Variants in FRYL observed in about 807,000 individuals in gnomAD.
FRYL encodes protein furry homolog-like.
Under a neutral mutation model 351.2 loss-of-function variants are expected in FRYL, and 150 were observed. The observed-to-expected ratio is 0.43, with a 90% CI of 0.37 to 0.49. The LOEUF (loss-of-function observed/expected upper bound fraction) is 0.49, where lower values mean the gene tolerates loss of function less well. Ranked by LOEUF, FRYL falls within the 20% of genes least tolerant of loss-of-function variation. The pLI is 0.00. For missense variants in FRYL, 3,036 were observed against 3,619.3 expected (o/e 0.84, Z 4.13); for synonymous variants, 1,153 against 1,257.1 (o/e 0.92, Z 1.75).
In FRYL at chr4:48,548,819, C is replaced by T. The variant is rs377595434; in HGVS notation, c.4785-26G>A. 388 of 1,325,418 alleles carry T rather than the reference C, an allele frequency of 2.9e-4. 1 individual carries two copies. The highest frequency in any genetic ancestry group is 6.6e-4 in the South Asian group (51 of 77,820). 82.1% of individuals were successfully genotyped at this position (1,325,418 alleles called of 1,614,324 possible). ...CTATGACAAATAAGAGTTTCATTAA[C>T]GTTTTACTAGATCTCAGTAAACCTA... On this transcript the variant is annotated intron_variant, in intron 39 of 63. Coordinates refer to ENST00000358350, the MANE Select transcript of FRYL (RefSeq NM_015030.2).
At chr4:48,681,670 G>C (rs1270706329) in intron 3 of FRYL, among the ~76,000 whole-genome samples, 5 of 151,974 alleles carry the variant, frequency 3.3e-5, no homozygotes, top group Non-Finnish European at 7.4e-5. Context: ...ACATTCTAAA[G>C]TTACTTTTAA....
In FRYL at chr4:48,573,262, A is replaced by G; in HGVS notation, c.2847-19T>C. The G allele has an allele frequency of 6.7e-7, 1 of 1,497,080 alleles. No individual in the cohort carries two copies. The highest frequency in any genetic ancestry group is 9.3e-7 in the Non-Finnish European group (1 of 1,073,720). The allele number at this position is 1,497,080 out of a possible 1,614,324, so 92.7% of individuals were successfully genotyped here. On this transcript the variant is annotated intron_variant, in intron 25 of 63. Coordinates refer to ENST00000358350, the MANE Select transcript of FRYL (RefSeq NM_015030.2). Reference sequence around the variant, plus strand: ...TAGTTCCCTGGAAGAAAAATGGTACATATTCTATTAATAGCTACACAGATA... The same window carrying G: ...TAGTTCCCTGGAAGAAAAATGGTACGTATTCTATTAATAGCTACACAGATA...
At chr4:48,582,390 G>C (rs1197943803) in intron 20 of FRYL, 107 bp downstream of exon 20, 17 of 728,130 alleles carry the variant, frequency 2.3e-5, no homozygotes, top group Non-Finnish European at 3.7e-5. Flanking sequence ...AGAGTGAATA[G>C]AACTAATAAT....
intron 53 of FRYL, among the ~76,000 whole-genome samples, chr4:48,526,968 C>G (rs1428131292): frequency 6.6e-6 from 1 of 152,050 alleles, no homozygotes; most frequent in Non-Finnish European, 1.5e-5. Flanking sequence ...GAAAGACAAA[C>G]CCTTTGTGAT....
chr4:48,502,794 G>T, intron 61 of FRYL, 34 bp downstream of exon 61: 2 of 1,578,694 alleles, frequency 1.3e-6, no homozygotes, highest in Non-Finnish European at 1.7e-6. Context: ...TCTGGCAAGG[G>T]TGAGTAGTCT....
At chr4:48,651,233 T>C (rs1297762280) in intron 3 of FRYL, among the ~76,000 whole-genome samples, 1 of 146,644 alleles carries the variant, frequency 6.8e-6, no homozygotes, top group Non-Finnish European at 1.5e-5. Context: ...TGTGTGTGTG[T>C]GTGTGTGTGT....
intron 3 of FRYL, among the ~76,000 whole-genome samples, chr4:48,638,805 G>A (rs147783635): frequency 3.0e-4 from 45 of 152,066 alleles, no homozygotes; most frequent in African/African-American, 4.1e-4. Context: ...TGTCCTTTGC[G>A]GGGATACGGA....
At chr4:48,543,629 T>C (rs1047612195) in intron 44 of FRYL, among the ~76,000 whole-genome samples, 178 bp downstream of exon 44, 2 of 152,230 alleles carry the variant, frequency 1.3e-5, no homozygotes, top group South Asian at 4.1e-4. Flanking sequence ...ATTTAATTAG[T>C]AGGTTATTTG....
chr4:48,560,831 T>C (rs1215454651), intron 33 of FRYL, among the ~76,000 whole-genome samples: 1 of 152,194 alleles, frequency 6.6e-6, no homozygotes, highest in African/African-American at 2.4e-5. Flanking sequence ...ACTATTTCTA[T>C]TGCTAAAATA....
chr4:48,542,048 T>C lies in FRYL; in HGVS notation c.5666A>G (p.Asp1889Gly), dbSNP rs1429974500. Reference protein sequence around the residue: ...DTLAETMKHYDLLSALSQTSY... With the variant: ...DTLAETMKHYGLLSALSQTSY... ...TTACTGAGAAAGGGCAGAAAGAAGA[T>C]CATAATGCTTCATGGTTTCAGCCAA... The change falls in exon 45 of 64, where the codon GAT (aspartate) becomes GGT (glycine). Residue 1889 changes from aspartate (D) to glycine (G), a missense_variant. Transcript: ENST00000358350. 41 of 1,613,198 alleles carry C rather than the reference T, an allele frequency of 2.5e-5. No homozygotes were observed. Among genetic ancestry groups the C allele is most frequent in the Non-Finnish European group, 3.4e-5 (40 of 1,179,286 alleles).
chr4:48,737,259 GAAA>G lies in FRYL; in HGVS notation c.-383-26564_-383-26562del, dbSNP rs368219531. On this transcript the variant is annotated intron_variant, in intron 1 of 63. Coordinates refer to ENST00000358350, the MANE Select transcript of FRYL (RefSeq NM_015030.2). ...GGCCACAGAGCGAGACTCCATCACAGAAAAAAAAAAAAAAAAAAGAGAGAGAAA... is the reference window on the plus strand; with the variant it reads ...GGCCACAGAGCGAGACTCCATCACAGAAAAAAAAAAAAAAAGAGAGAGAAA... Among the ~76,000 whole-genome samples, 672 of 97,670 alleles carry G rather than the reference GAAA, an allele frequency of 6.9e-3. 7 individuals are homozygous for G. Among genetic ancestry groups the G allele is most frequent in the Non-Finnish European group, 5.9e-3 (298 of 50,940 alleles). The allele number at this position is 97,670 out of a possible 152,430, so 64.1% of individuals were successfully genotyped here.
chr4:48,510,194 C>T, intron 58 of FRYL, 37 bp from the exon 59 acceptor site: 1 of 1,466,542 alleles, frequency 6.8e-7, no homozygotes, highest in Non-Finnish European at 9.6e-7. Context: ...GTTACCATTT[C>T]TGATTGAAAT....
Position 48,564,100 on chromosome 4 carries a change from A to G in FRYL, c.3444T>C (p.Val1148=). 6.2e-7 allele frequency: 1 copy of G among 1,613,444 alleles called. No individual in the cohort carries two copies. The highest frequency in any genetic ancestry group is 8.5e-7 in the Non-Finnish European group (1 of 1,179,828). The part of the protein sequence containing the change: ...DNILDSLDKK[V]HQLGCEAVTL... ...TAACTGCTTCACAGCCCAGCTGGTG[A>G]ACCTAGGTAAAGGTTGTGAAATTGC... is the stretch of plus-strand genomic sequence containing the variant. The change falls in exon 31 of 64, where the codon GTT becomes GTC. Residue 1148 remains valine (V), a splice_region_variant and synonymous_variant. Transcript: ENST00000358350.
At chr4:48,505,771 T>C in intron 59 of FRYL, 156 bp from the exon 60 acceptor site, 1 of 539,844 alleles carries the variant, frequency 1.9e-6, no homozygotes, top group East Asian at 3.0e-5. Context: ...CAATCATTTA[T>C]ATGGAACTAA....
At chr4:48,640,130 C>T (rs1755041070) in intron 3 of FRYL, among the ~76,000 whole-genome samples, 1 of 151,992 alleles carries the variant, frequency 6.6e-6, no homozygotes, top group Admixed American at 6.6e-5. Flanking sequence ...ATATTCTTAC[C>T]ACATGATCAG....
chr4:48,643,261 T>G (rs925187803), intron 3 of FRYL, among the ~76,000 whole-genome samples: 1 of 152,094 alleles, frequency 6.6e-6, no homozygotes, highest in African/African-American at 2.4e-5. Flanking sequence ...AGAATTGAAA[T>G]AGATGGGCTG....
In FRYL at chr4:48,543,813, A is replaced by C. The variant is rs757365917; in HGVS notation, c.5586T>G (p.Asp1862Glu). 6.2e-7 allele frequency: 1 copy of C among 1,612,924 alleles called. No homozygotes were observed. Among genetic ancestry groups the C allele is most frequent in the South Asian group, 1.1e-5 (1 of 91,022 alleles). Reference protein sequence around the residue: ...LVETVGDPGEDAQGFVIELLL... With the variant: ...LVETVGDPGEEAQGFVIELLL... ...AAAGAATATAAGGAAATACCTGTGC[A>C]TCTTCTCCTGGATCCCCTACAGTTT... is the stretch of plus-strand genomic sequence containing the variant. The change falls in exon 44 of 64, where the codon GAT (aspartate) becomes GAG (glutamate). Residue 1862 changes from aspartate (D) to glutamate (E), a missense_variant. Physicochemically the swap from Asp to Glu is conservative, Grantham distance 45. This residue lies in a region of FRYL where 1,987 missense variants were observed against 2,311.7 expected (regional missense o/e 0.86). Coordinates refer to ENST00000358350, the MANE Select transcript of FRYL (RefSeq NM_015030.2).
At chr4:48,521,247 A>T in intron 54 of FRYL, 32 bp from the exon 55 acceptor site, 1 of 1,511,772 alleles carries the variant, frequency 6.6e-7, no homozygotes, top group Non-Finnish European at 9.1e-7. Context: ...TAAGGAATTC[A>T]TTTATGAGTC....
At chr4:48,762,357 T>TA (rs1471884875) in intron 1 of FRYL, among the ~76,000 whole-genome samples, 2 of 152,166 alleles carry the variant, frequency 1.3e-5, no homozygotes, top group Non-Finnish European at 2.9e-5. Flanking sequence ...ACATCCTTCT[T>TA]AAAAAAATGA....
Sources: allele counts gnomAD v4.1 joint callset (sites outside exome capture counted in the v4.1 genomes callset), GRCh38; gene constraint gnomAD v4.1.1; regional missense constraint gnomAD v4.1.1; transcripts MANE v1.5; gene names NCBI Gene and HGNC (gene_info 2026-07-23, HGNC 2026-07-21).